Variants in LGSN observed in about 807,000 individuals in gnomAD.
The protein encoded by LGSN is lengsin.
A neutral mutation model predicts 19.5 loss-of-function variants in LGSN; 21 were observed. That is an observed-to-expected ratio of 1.07 (90% CI 0.76 to 1.55). LGSN has a LOEUF of 1.55. Among genes scored for constraint, LGSN ranks in the 40% most tolerant of loss-of-function variants. The pLI is 0.00. For synonymous variants in LGSN, 257 were observed against 215.6 expected (o/e 1.19, Z -1.68); for missense variants, 673 against 608.5 (o/e 1.11, Z -1.12).
chr6:63,498,799 T>A, the LGSN span, among the ~76,000 whole-genome samples: 1 of 152,050 alleles, frequency 6.6e-6, no homozygotes, highest in South Asian at 2.1e-4. Context: ...TATGGGAAAC[T>A]CTTCCCAACA....
chr6:63,445,781 A>G, the LGSN span, among the ~76,000 whole-genome samples: 2 of 152,132 alleles, frequency 1.3e-5, no homozygotes, highest in Admixed American at 6.5e-5. Context: ...AATTACTACA[A>G]TTGCCTGCCA....
At chr6:63,472,725 G>A in the LGSN span, among the ~76,000 whole-genome samples, 2 of 152,056 alleles carry the variant, frequency 1.3e-5, no homozygotes, top group Non-Finnish European at 2.9e-5. Flanking sequence ...CAGATCATGA[G>A]GACAGGAGAT....
At chr6:63,371,025 T>C in the LGSN span, among the ~76,000 whole-genome samples, 1 of 152,152 alleles carries the variant, frequency 6.6e-6, no homozygotes, top group Non-Finnish European at 1.5e-5. Flanking sequence ...GACAAACAGA[T>C]TGGTTCTGTC....
chr6:63,533,727 A>G, the LGSN span, among the ~76,000 whole-genome samples: 1 of 152,214 alleles, frequency 6.6e-6, no homozygotes, highest in South Asian at 2.1e-4. Flanking sequence ...AGAAGGAGGC[A>G]TATAGACTAA....
rs1208547734 is a variant in LGSN at position 63,280,234 on chromosome 6, A to G, written c.1317T>C (p.Ala439=). The change falls in exon 4 of 4, where the codon GCT becomes GCC. Residue 439 remains alanine (A), a synonymous_variant. Coordinates refer to ENST00000370657, the MANE Select transcript of LGSN (RefSeq NM_016571.3). ...DGLHSSNEVL[A]GPDESTDFYQ... is the part of the protein sequence containing the mutation. ...AAAAGTCTGTGCTCTCATCTGGACC[A>G]GCCAAGACCTCATTACTGCTATGAA... is the stretch of plus-strand genomic sequence containing the variant. The G allele has an allele frequency of 6.2e-7, 1 of 1,614,254 alleles. No homozygotes were observed. The highest frequency in any genetic ancestry group is 1.1e-5 in the South Asian group (1 of 91,084).
the LGSN span, among the ~76,000 whole-genome samples, chr6:63,346,528 C>T: frequency 6.6e-6 from 1 of 151,942 alleles, no homozygotes; most frequent in Non-Finnish European, 1.5e-5. Context: ...TTATAATATC[C>T]TTTATAATAA....
chr6:63,421,833 A>G, the LGSN span, among the ~76,000 whole-genome samples: 1 of 152,208 alleles, frequency 6.6e-6, no homozygotes, highest in East Asian at 1.9e-4. Flanking sequence ...CTATAAAAAA[A>G]GTTCTAACAT....
chr6:63,329,973 G>A, the LGSN span, among the ~76,000 whole-genome samples: 2 of 152,198 alleles, frequency 1.3e-5, no homozygotes, highest in African/African-American at 4.8e-5. Flanking sequence ...CTAGTGTCCA[G>A]GAGGAAGTCA....
the LGSN span, chr6:63,441,632 C>T: frequency 6.4e-6 from 3 of 466,564 alleles, no homozygotes; most frequent in African/African-American, 4.0e-5. Flanking sequence ...AATGCGGAAG[C>T]GGGAGAAGGC....
chr6:63,434,789 G>T, the LGSN span, among the ~76,000 whole-genome samples: 1 of 151,984 alleles, frequency 6.6e-6, no homozygotes, highest in African/African-American at 2.4e-5. Flanking sequence ...AAACCAGAGG[G>T]GAAGACAGCC....
the LGSN span, among the ~76,000 whole-genome samples, chr6:63,437,879 G>A: frequency 5.9e-5 from 9 of 152,190 alleles, no homozygotes; most frequent in South Asian, 8.3e-4. Context: ...GCAGTGAGTC[G>A]AGATCACGCC....
Position 63,277,960 on chromosome 6 carries a change from G to C in LGSN, c.*2061C>G, listed in dbSNP as rs555953788. The stretch of plus-strand genomic sequence containing the variant: ...ATGGTAGCAGGCACCTGGGATCCCA[G>C]CTACTTGGGAGGCTGAGGCAGGAGA... On this transcript the variant is annotated 3_prime_UTR_variant, in exon 4 of 4. Transcript: ENST00000370657. 1.3e-5 allele frequency: 2 copies of C among 152,236 alleles called. No individual in the cohort carries two copies. The highest frequency in any genetic ancestry group is 2.9e-5 in the Non-Finnish European group (2 of 68,260). 9.4% of individuals were successfully genotyped at this position (152,236 alleles called of 1,614,324 possible).
chr6:63,343,103 T>C, the LGSN span, among the ~76,000 whole-genome samples: 8 of 152,250 alleles, frequency 5.3e-5, no homozygotes, highest in Admixed American at 5.2e-4. Context: ...AATAATGACT[T>C]GCCTATTCAT....
chr6:63,333,467 G>A, the LGSN span, among the ~76,000 whole-genome samples: 8 of 147,670 alleles, frequency 5.4e-5, no homozygotes, highest in African/African-American at 2.0e-4. Context: ...GAGGGGAGGG[G>A]GAGAGAAGAA....
At chr6:63,471,747 G>A in the LGSN span, among the ~76,000 whole-genome samples, 1 of 152,046 alleles carries the variant, frequency 6.6e-6, no homozygotes, top group Admixed American at 6.6e-5. Flanking sequence ...TTGAATTATG[G>A]CCTCCCAAAA....
At chr6:63,552,004 C>A in the LGSN span, among the ~76,000 whole-genome samples, 2 of 152,280 alleles carry the variant, frequency 1.3e-5, no homozygotes, top group African/African-American at 4.8e-5. Context: ...AATAAACATA[C>A]GTGTGCATGT....
At chr6:63,402,657 G>A in the LGSN span, among the ~76,000 whole-genome samples, 3 of 152,190 alleles carry the variant, frequency 2.0e-5, no homozygotes, top group Non-Finnish European at 2.9e-5. Flanking sequence ...TTGGAAATGA[G>A]AAGTTAATAA....
chr6:63,441,820 G>A, the LGSN span: 5 of 314,392 alleles, frequency 1.6e-5, no homozygotes, highest in East Asian at 4.6e-4. Flanking sequence ...TGCTGCTGCT[G>A]CTGCTTTGTG....
the LGSN span, among the ~76,000 whole-genome samples, chr6:63,487,524 A>G: frequency 9.2e-5 from 14 of 152,208 alleles, no homozygotes; most frequent in African/African-American, 3.4e-4. Flanking sequence ...TTTTGCTTTG[A>G]TAACTCAAAA....
Sources: allele counts gnomAD v4.1 joint callset (sites outside exome capture counted in the v4.1 genomes callset), GRCh38; gene constraint gnomAD v4.1.1; transcripts MANE v1.5; gene names NCBI Gene and HGNC (gene_info 2026-07-23, HGNC 2026-07-21).